The following CNTNAP2 variants were observed in gnomAD, a reference collection of about 807,000 sequenced individuals.
The protein encoded by CNTNAP2 is contactin-associated protein-like 2.
A neutral mutation model predicts 155.2 loss-of-function variants in CNTNAP2; 98 were observed. The ratio of observed to expected loss-of-function variants is 0.63; its 90% CI spans 0.54 to 0.75. The LOEUF is 0.75. Ranked by LOEUF, CNTNAP2 falls within the 30% of genes least tolerant of loss-of-function variation. The pLI, the probability that CNTNAP2 is intolerant of heterozygous loss-of-function variation, is 0.00. For missense variants in CNTNAP2, 1,727 were observed against 1,688.1 expected, an observed-to-expected ratio of 1.02 and a Z score of -0.40; for synonymous variants, 651 against 631.2, an observed-to-expected ratio of 1.03 and a Z score of -0.47.
chr7:147,613,189 A>T (rs1801219968), intron 12 of CNTNAP2, among the ~76,000 whole-genome samples: 1 of 152,206 alleles, frequency 6.6e-6, no homozygotes, highest in Non-Finnish European at 1.5e-5. Context: ...AACCTGACAA[A>T]CATAAAATAA....
At chr7:148,390,724 T>C (rs967176858) in intron 22 of CNTNAP2, among the ~76,000 whole-genome samples, 1 of 152,148 alleles carries the variant, frequency 6.6e-6, no homozygotes, top group Non-Finnish European at 1.5e-5. Context: ...AAACAGAAAA[T>C]AGGTTCTAAG....
At chr7:146,693,890 C>T (rs1260527639) in intron 1 of CNTNAP2, among the ~76,000 whole-genome samples, 1 of 151,846 alleles carries the variant, frequency 6.6e-6, no homozygotes, top group Non-Finnish European at 1.5e-5. Flanking sequence ...TCCCCATGAC[C>T]CCATCCCCCG....
chr7:148,044,359 G>T (rs952442932), intron 15 of CNTNAP2, among the ~76,000 whole-genome samples: 1 of 152,126 alleles, frequency 6.6e-6, no homozygotes, highest in Admixed American at 6.5e-5. Flanking sequence ...GGTGTGACTT[G>T]TGGCCAGGTG....
intron 8 of CNTNAP2, among the ~76,000 whole-genome samples, chr7:147,259,382 G>A (rs569225460): frequency 6.6e-6 from 1 of 151,996 alleles, no homozygotes; most frequent in Non-Finnish European, 1.5e-5. Flanking sequence ...ATATTAATGG[G>A]TCTTCTGTTT....
chr7:147,225,841 G>A (rs1408925283), intron 8 of CNTNAP2, among the ~76,000 whole-genome samples: 31 of 61,434 alleles, frequency 5.0e-4, no homozygotes, highest in East Asian at 7.6e-4. Context: ...GAAGGAAGGA[G>A]GGAAAGAAGG....
chr7:147,007,364 G>C (rs1265511617), intron 3 of CNTNAP2, among the ~76,000 whole-genome samples: 2 of 152,070 alleles, frequency 1.3e-5, no homozygotes, highest in African/African-American at 4.8e-5. Context: ...AAGGTATTTA[G>C]AGCTTCTGGG....
intron 1 of CNTNAP2, among the ~76,000 whole-genome samples, chr7:146,362,000 A>G (rs1288341082): frequency 6.6e-6 from 1 of 152,306 alleles, no homozygotes; most frequent in Admixed American, 6.5e-5. Context: ...ATTAAAAAAT[A>G]TATAAATAGA....
At position 147,485,738 on chromosome 7, in the gene CNTNAP2, C is replaced by T. The variant is rs146321245; in HGVS notation, c.1671-197C>T. Reference sequence around the variant, plus strand: ...TACTCAAAAATGGGAAGCTCCAGGTCGGTGATACATCATCTTTGTTGCGCT... The same window carrying T: ...TACTCAAAAATGGGAAGCTCCAGGTTGGTGATACATCATCTTTGTTGCGCT... On this transcript the variant is annotated intron_variant, in intron 10 of 23. Transcript: ENST00000361727. Among the ~76,000 whole-genome samples the T allele has an allele frequency of 3.3e-5, 5 of 152,252 alleles. No individual in the cohort carries two copies. The East Asian group carries it at 7.7e-4, about 24-fold the overall frequency.
At chr7:147,280,108 T>A (rs751899499) in intron 8 of CNTNAP2, among the ~76,000 whole-genome samples, 3 of 151,902 alleles carry the variant, frequency 2.0e-5, no homozygotes, top group Non-Finnish European at 4.4e-5. Context: ...CTTTCTTGTG[T>A]AACCATAACT....
chr7:147,640,926 GA>G (rs898447168), intron 13 of CNTNAP2, among the ~76,000 whole-genome samples: 2 of 152,268 alleles, frequency 1.3e-5, no homozygotes, highest in African/African-American at 2.4e-5. Flanking sequence ...AGCCCAGGGG[GA>G]AAACTGGCCC....
chr7:146,572,463 G>A (rs1798457212), intron 1 of CNTNAP2, among the ~76,000 whole-genome samples: 3 of 151,864 alleles, frequency 2.0e-5, no homozygotes, highest in Admixed American at 2.0e-4. Flanking sequence ...CTTTCATAAT[G>A]GGTTACATTG....
intron 8 of CNTNAP2, among the ~76,000 whole-genome samples, chr7:147,288,878 T>C (rs1452430171): frequency 6.6e-6 from 1 of 152,136 alleles, no homozygotes; most frequent in Admixed American, 6.5e-5. Context: ...ATGTGATGTG[T>C]TCCTTTTCTA....
At chr7:147,101,937 C>T (rs988705144) in intron 4 of CNTNAP2, among the ~76,000 whole-genome samples, 4 of 152,064 alleles carry the variant, frequency 2.6e-5, no homozygotes, top group South Asian at 4.1e-4. Flanking sequence ...CATTTAGCAC[C>T]ACGGTTTGCG....
intron 8 of CNTNAP2, among the ~76,000 whole-genome samples, chr7:147,273,807 T>G (rs559565879): frequency 6.8e-6 from 1 of 147,366 alleles, no homozygotes; most frequent in East Asian, 1.9e-4. Flanking sequence ...TTTTTATATC[T>G]ATACATATAT....
chr7:147,787,294 G>A (rs1338946882), intron 13 of CNTNAP2, among the ~76,000 whole-genome samples: 1 of 152,204 alleles, frequency 6.6e-6, no homozygotes, highest in East Asian at 1.9e-4. Context: ...TTGGTATGAT[G>A]TGGGTGCTTC....
chr7:146,414,758 C>T (rs1584914529), intron 1 of CNTNAP2, among the ~76,000 whole-genome samples: 1 of 152,208 alleles, frequency 6.6e-6, no homozygotes, highest in Non-Finnish European at 1.5e-5. Context: ...GGTATGCACC[C>T]ATGATGTTTT....
intron 13 of CNTNAP2, among the ~76,000 whole-genome samples, chr7:147,652,041 T>G (rs2116941715): frequency 6.6e-6 from 1 of 152,326 alleles, no homozygotes; most frequent in Admixed American, 6.5e-5. Flanking sequence ...TTGAAGAAAC[T>G]CATCCTTACA....
At position 147,135,983 on chromosome 7, in the gene CNTNAP2, TG is replaced by T. The variant is rs537455928; in HGVS notation, c.1348+3476del. 2.4e-4 allele frequency among the ~76,000 whole-genome samples: 36 copies of T among 151,566 alleles called. No individual in the cohort carries two copies. The South Asian group carries it at 3.3e-3, about 14-fold the overall frequency. Reference sequence around the variant, plus strand: ...TGGGAACAGTATTATAATATTATAATGGTAGTAAAAAAGCATTAATGTACAT... The same window carrying T: ...TGGGAACAGTATTATAATATTATAATGTAGTAAAAAAGCATTAATGTACAT... On this transcript the variant is annotated intron_variant, in intron 8 of 23. Coordinates refer to ENST00000361727, the MANE Select transcript of CNTNAP2 (RefSeq NM_014141.6).
chr7:147,700,485 A>G (rs1796220537), intron 13 of CNTNAP2, among the ~76,000 whole-genome samples: 1 of 152,200 alleles, frequency 6.6e-6, no homozygotes, highest in South Asian at 2.1e-4. Flanking sequence ...ATTCATTCCC[A>G]GAAATTGTAC....
Sources: gnomAD v4.1 joint callset for allele counts (sites outside exome capture counted in the v4.1 genomes callset) on GRCh38, gnomAD v4.1.1 for gene constraint, MANE v1.5 for transcripts, NCBI Gene and HGNC (gene_info 2026-07-23, HGNC 2026-07-21) for gene names.